Variants in MICU1 observed in about 807,000 individuals in gnomAD.
The protein encoded by MICU1 is mitochondrial calcium uptake 1.
MICU1 carries 45 observed loss-of-function variants against 56.8 expected under a neutral mutation model. The ratio of observed to expected loss-of-function variants is 0.79; its 90% CI spans 0.62 to 1.02. The LOEUF (loss-of-function observed/expected upper bound fraction) is 1.02. Ranked by LOEUF, MICU1 falls within the 50% of genes least tolerant of loss-of-function variation. The probability of loss-of-function intolerance (pLI) is 0.00; values close to 1 mark genes in which losing one functional copy is unlikely to be tolerated. For synonymous variants in MICU1, 186 were observed against 195.1 expected, an observed-to-expected ratio of 0.95 and a Z score of 0.39; for missense variants, 504 against 587.1, an observed-to-expected ratio of 0.86 and a Z score of 1.46.
chr10:72,559,452 A>G (rs2132460731), intron 3 of MICU1, among the ~76,000 whole-genome samples: 2 of 151,900 alleles, frequency 1.3e-5, no homozygotes, highest in East Asian at 3.9e-4. Context: ...AAATATAAAA[A>G]CATATTACTC....
At chr10:72,398,115 T>G (rs1042945213) in intron 10 of MICU1, among the ~76,000 whole-genome samples, 2 of 152,184 alleles carry the variant, frequency 1.3e-5, no homozygotes, top group African/African-American at 4.8e-5. Context: ...GCAATCAAAT[T>G]AGAACTCAGG....
intron 5 of MICU1, among the ~76,000 whole-genome samples, chr10:72,514,517 A>C (rs1174132324): frequency 6.6e-6 from 1 of 151,988 alleles, no homozygotes; most frequent in Admixed American, 6.6e-5. Context: ...TTGTTTAATG[A>C]CTTTATTAAA....
At chr10:72,505,708 G>T (rs987470914) in intron 6 of MICU1, among the ~76,000 whole-genome samples, 1 of 152,120 alleles carries the variant, frequency 6.6e-6, no homozygotes, top group Admixed American at 6.5e-5. Context: ...ATTAACACAG[G>T]AACAGAAAAC....
At chr10:72,398,847 C>T (rs1863354226) in intron 10 of MICU1, among the ~76,000 whole-genome samples, 1 of 152,248 alleles carries the variant, frequency 6.6e-6, no homozygotes, top group African/African-American at 2.4e-5. Context: ...GATTCACAGC[C>T]AAATTCTACC....
intron 8 of MICU1, among the ~76,000 whole-genome samples, chr10:72,473,509 T>C (rs1866009908): frequency 6.6e-6 from 1 of 152,178 alleles, no homozygotes; most frequent in African/African-American, 2.4e-5. Context: ...TCCTGGCTGC[T>C]CTGGGTGCAA....
At chr10:72,377,055 A>G (rs1291104822) in intron 10 of MICU1, among the ~76,000 whole-genome samples, 2 of 152,000 alleles carry the variant, frequency 1.3e-5, no homozygotes, top group African/African-American at 4.8e-5. Flanking sequence ...GTTTTGCACC[A>G]GACTTCTTCC....
intron 6 of MICU1, among the ~76,000 whole-genome samples, chr10:72,492,249 G>C (rs1866681196): frequency 6.6e-6 from 1 of 152,060 alleles, no homozygotes; most frequent in African/African-American, 2.4e-5. Flanking sequence ...AATTTAACAA[G>C]ATCATTCTCG....
chr10:72,583,652 G>A (rs1252361831), intron 1 of MICU1, among the ~76,000 whole-genome samples: 1 of 152,130 alleles, frequency 6.6e-6, no homozygotes, highest in Non-Finnish European at 1.5e-5. Context: ...TTCGAGGAAT[G>A]GGATAAGCTA....
chr10:72,396,478 A>G (rs1863265096), intron 10 of MICU1, among the ~76,000 whole-genome samples: 1 of 152,192 alleles, frequency 6.6e-6, no homozygotes, highest in African/African-American at 2.4e-5. Context: ...GTCAGTAATA[A>G]CAAACTTCTC....
At position 72,509,416 on chromosome 10, in the gene MICU1, C is replaced by T. The variant is rs1370731655; in HGVS notation, c.538-1147G>A. The T allele has an allele frequency of 9.8e-6, 13 of 1,327,286 alleles. No homozygotes were observed. The South Asian group carries it at 1.4e-4, about 15-fold the overall frequency. The allele number at this position is 1,327,286 out of a possible 1,614,324, so 82.2% of individuals were successfully genotyped here. On this transcript the variant is annotated intron_variant, in intron 5 of 11. Transcript: ENST00000361114. Reference sequence around the variant, plus strand: ...GGGTTACCTCTGTCTAGTGGAGATCCCATCATAAACCACAAAGGAAAGAAA... The same window carrying T: ...GGGTTACCTCTGTCTAGTGGAGATCTCATCATAAACCACAAAGGAAAGAAA...
intron 8 of MICU1, among the ~76,000 whole-genome samples, chr10:72,438,133 A>T (rs1482861216): frequency 1.3e-5 from 2 of 152,190 alleles, no homozygotes; most frequent in Non-Finnish European, 2.9e-5. Context: ...TCTAAAACTG[A>T]CCACATAATT....
intron 1 of MICU1, among the ~76,000 whole-genome samples, chr10:72,596,700 C>G (rs1181786478): frequency 6.6e-6 from 1 of 151,628 alleles, no homozygotes. Flanking sequence ...TGGTGAAACC[C>G]TATCTCTACT....
At position 72,421,021 on chromosome 10, in the gene MICU1, AT is replaced by A. The variant is rs1340085062; in HGVS notation, c.1071+2212del. 1.0e-2 allele frequency among the ~76,000 whole-genome samples: 1,429 copies of A among 143,338 alleles called. 17 individuals are homozygous for A. Among genetic ancestry groups the A allele is most frequent in the African/African-American group, 0.026 (993 of 38,232 alleles). The allele number at this position is 143,338 out of a possible 152,430, so 94.0% of individuals were successfully genotyped here. ...CCGTCTCAAAAAAAAAAAAAAAATA[AT>A]AATAATAATAATAATAATAAAAAGA... On this transcript the variant is annotated intron_variant, in intron 9 of 11. Coordinates refer to ENST00000361114, the MANE Select transcript of MICU1 (RefSeq NM_001195518.2).
chr10:72,423,938 G>A (rs1024343008), intron 8 of MICU1, among the ~76,000 whole-genome samples: 1 of 152,104 alleles, frequency 6.6e-6, no homozygotes, highest in African/African-American at 2.4e-5. Flanking sequence ...TATGAGACAC[G>A]AAATAAGAAA....
chr10:72,615,606 T>G (rs913161364), intron 1 of MICU1, among the ~76,000 whole-genome samples: 28 of 152,194 alleles, frequency 1.8e-4, no homozygotes, highest in African/African-American at 6.8e-4. Flanking sequence ...TTAATCCCAT[T>G]AAATGTATTT....
intron 5 of MICU1, among the ~76,000 whole-genome samples, chr10:72,530,447 A>C (rs1318118503): frequency 6.6e-6 from 1 of 151,550 alleles, no homozygotes; most frequent in African/African-American, 2.4e-5. Context: ...AATGTCTTCT[A>C]AGAGAAAATC....
chr10:72,579,951 AT>A (rs1430007498), intron 1 of MICU1, among the ~76,000 whole-genome samples: 3 of 152,208 alleles, frequency 2.0e-5, no homozygotes, highest in African/African-American at 4.8e-5. Context: ...AAAAAAAAAA[AT>A]CTAAATGTTT....
Position 72,371,358 on chromosome 10 carries a change from G to A in MICU1, c.1271-3003C>T, listed in dbSNP as rs574053095. 8.7e-5 allele frequency among the ~76,000 whole-genome samples: 12 copies of A among 138,176 alleles called. No homozygotes were observed. The South Asian group carries it at 2.7e-3, about 31-fold the overall frequency. The allele number at this position is 138,176 out of a possible 152,430, so 90.6% of individuals were successfully genotyped here. A position where few individuals can be genotyped will look rare whatever the true frequency, so the allele number is the denominator to read the frequency against. On this transcript the variant is annotated intron_variant, in intron 11 of 11. Coordinates refer to ENST00000361114, the MANE Select transcript of MICU1 (RefSeq NM_001195518.2). ...GCCGAGATCGCACCACTGCACTCCA[G>A]CCTGGGCAACACAGCGAGACTCCGT...
intron 9 of MICU1, among the ~76,000 whole-genome samples, chr10:72,412,013 C>T (rs1350981024): frequency 1.3e-5 from 2 of 152,180 alleles, no homozygotes; most frequent in Non-Finnish European, 2.9e-5. Flanking sequence ...TTACTAATCA[C>T]TTATCATTAT....
Sources: gnomAD v4.1 joint callset for allele counts (sites outside exome capture counted in the v4.1 genomes callset) on GRCh38, gnomAD v4.1.1 for gene constraint, MANE v1.5 for transcripts, NCBI Gene and HGNC (gene_info 2026-07-23, HGNC 2026-07-21) for gene names.